Variants in UNC13B observed in about 807,000 individuals in gnomAD.
The protein encoded by UNC13B is protein unc-13 homolog B.
A neutral mutation model predicts 211.0 loss-of-function variants in UNC13B; 144 were observed. The ratio of observed to expected loss-of-function variants is 0.68; its 90% CI spans 0.60 to 0.78. The LOEUF (loss-of-function observed/expected upper bound fraction) is 0.78. Among genes scored for constraint, UNC13B ranks in the 30% least tolerant of loss-of-function variants. The pLI, the probability that UNC13B is intolerant of heterozygous loss-of-function variation, is 0.00. For synonymous variants in UNC13B, 709 were observed against 725.8 expected, an observed-to-expected ratio of 0.98 and a Z score of 0.37; for missense variants, 1,777 against 2,002.0, an observed-to-expected ratio of 0.89 and a Z score of 2.14.
intron 7 of UNC13B, among the ~76,000 whole-genome samples, chr9:35,268,307 A>G (rs1255703232): frequency 1.3e-5 from 2 of 152,182 alleles, no homozygotes; most frequent in East Asian, 3.8e-4. Context: ...GCTGACAAGG[A>G]TCTAGTTAAA....
chr9:35,399,817 A>G, intron 36 of UNC13B, 88 bp downstream of exon 36: 2 of 1,270,344 alleles, frequency 1.6e-6, no homozygotes, highest in East Asian at 2.3e-5. Context: ...TGTCCCTCCA[A>G]TTCTTAACAC....
At chr9:35,282,748 A>AT (rs1054585923) in intron 7 of UNC13B, among the ~76,000 whole-genome samples, 18 of 151,802 alleles carry the variant, frequency 1.2e-4, no homozygotes, top group Non-Finnish European at 7.4e-5. Flanking sequence ...TCTTACAATT[A>AT]TTTTTTATTC....
chr9:35,258,438 G>T (rs1170200749), intron 6 of UNC13B, among the ~76,000 whole-genome samples: 21 of 152,192 alleles, frequency 1.4e-4, no homozygotes, highest in Non-Finnish European at 1.5e-5. Flanking sequence ...TGTGGTGGTT[G>T]TGGTGGGTGG....
intron 37 of UNC13B, among the ~76,000 whole-genome samples, chr9:35,400,721 C>T (rs188629565): frequency 2.1e-4 from 32 of 152,248 alleles, no homozygotes; most frequent in Non-Finnish European, 3.5e-4. Context: ...AGGAATATAC[C>T]CTGACTGGTA....
intron 11 of UNC13B, among the ~76,000 whole-genome samples, chr9:35,337,976 C>G (rs1011217312): frequency 4.6e-5 from 7 of 152,180 alleles, no homozygotes; most frequent in African/African-American, 1.7e-4. Context: ...TATATGGCCT[C>G]TTTGTTTCCT....
chr9:35,310,728 C>T lies in UNC13B; in HGVS notation c.9270C>T (p.His3090=), dbSNP rs778792170. 3.0e-5 allele frequency: 49 copies of T among 1,613,860 alleles called. No homozygotes were observed. The highest frequency in any genetic ancestry group is 3.8e-5 in the Non-Finnish European group (45 of 1,180,004). ...AGATGAAAGAAGATGCCACAACCCA[C>T]CCTCCCCCAGATCTGGTGCTGCAAA... ...PKEMKEDATT[H]PPPDLVLQKD... Residue 3090 remains histidine (H), a synonymous_variant, in exon 10 of 40, where the codon CAC becomes CAT. Transcript: ENST00000635942.
chr9:35,269,113 C>A (rs183772113), intron 7 of UNC13B, among the ~76,000 whole-genome samples: 1 of 152,184 alleles, frequency 6.6e-6, no homozygotes, highest in African/African-American at 2.4e-5. Flanking sequence ...GGGCTCAGTC[C>A]CACAAGACTG....
intron 1 of UNC13B, among the ~76,000 whole-genome samples, chr9:35,201,603 A>G (rs1587359615): frequency 6.6e-6 from 1 of 152,080 alleles, no homozygotes; most frequent in East Asian, 1.9e-4. Flanking sequence ...TTTCCTCTAG[A>G]TTTTCTAGTT....
intron 1 of UNC13B, among the ~76,000 whole-genome samples, chr9:35,187,604 G>A (rs1024333844): frequency 1.3e-5 from 2 of 152,162 alleles, no homozygotes; most frequent in African/African-American, 2.4e-5. Flanking sequence ...TTTGCATAAG[G>A]TGCAGAAAGA....
At chr9:35,179,331 C>T (rs1821808203) in intron 1 of UNC13B, among the ~76,000 whole-genome samples, 1 of 152,036 alleles carries the variant, frequency 6.6e-6, no homozygotes, top group Non-Finnish European at 1.5e-5. Context: ...TTCATTATGG[C>T]TCTAGTTTAA....
intron 6 of UNC13B, among the ~76,000 whole-genome samples, chr9:35,257,230 G>A (rs533373748): frequency 2.6e-4 from 39 of 150,298 alleles, no homozygotes; most frequent in African/African-American, 1.2e-4. Context: ...AGGCTGAGGC[G>A]GGTGGATCAC....
chr9:35,260,890 C>T (rs781582375), intron 7 of UNC13B, among the ~76,000 whole-genome samples: 10 of 152,124 alleles, frequency 6.6e-5, no homozygotes, highest in Non-Finnish European at 1.5e-4. Flanking sequence ...CCTACTCCTT[C>T]CTGGTCTCAT....
intron 7 of UNC13B, among the ~76,000 whole-genome samples, chr9:35,287,352 G>A (rs1211449862): frequency 1.3e-5 from 2 of 151,850 alleles, no homozygotes; most frequent in African/African-American, 2.4e-5. Context: ...GGCTAGTCTC[G>A]AACTCCTGAC....
Position 35,399,049 on chromosome 9 carries a change from CAGGACT to C in UNC13B, c.12074+17_12074+22del, listed in dbSNP as rs1564199393. On this transcript the variant is annotated intron_variant, in intron 33 of 39. Coordinates refer to ENST00000635942, the MANE Select transcript of UNC13B (RefSeq NM_001371189.2). ...CTGGATGGCAAGTGAGTACAGCATT[CAGGACT>C]ATCCTGTGGGGATGAGCAAAGCAGA... 6.2e-7 allele frequency: 1 copy of C among 1,613,484 alleles called. No homozygotes were observed. Among genetic ancestry groups the C allele is most frequent in the Admixed American group, 1.7e-5 (1 of 60,014 alleles).
Position 35,310,793 on chromosome 9 carries a change from C to T in UNC13B, c.9323+12C>T. 1 of 1,610,374 alleles carries T rather than the reference C, an allele frequency of 6.2e-7. No individual in the cohort carries two copies. The highest frequency in any genetic ancestry group is 1.3e-5 in the African/African-American group (1 of 74,866). On this transcript the variant is annotated intron_variant, in intron 10 of 39. Coordinates refer to ENST00000635942, the MANE Select transcript of UNC13B (RefSeq NM_001371189.2). ...GGTCCCCAGGAGAGGTAGGCAACAG[C>T]TGCCTTGAGGAGCTCACATGGCTTC...
intron 1 of UNC13B, among the ~76,000 whole-genome samples, chr9:35,190,183 T>G (rs1406022394): frequency 1.3e-5 from 2 of 152,216 alleles, no homozygotes; most frequent in Admixed American, 1.3e-4. Context: ...ACTGTGCATT[T>G]CATTTCAAGG....
chr9:35,351,705 C>T, intron 11 of UNC13B: 4 of 1,232,282 alleles, frequency 3.2e-6, no homozygotes, highest in Non-Finnish European at 4.0e-6. Context: ...GGGTCAGCAG[C>T]CTTAGCCATT....
At chr9:35,184,999 A>T in intron 1 of UNC13B, among the ~76,000 whole-genome samples, 1 of 152,204 alleles carries the variant, frequency 6.6e-6, no homozygotes, top group Non-Finnish European at 1.5e-5. Context: ...ATAATGAGAT[A>T]TTCATTCGTA....
In UNC13B at chr9:35,366,993, G is replaced by T. The variant is rs764434090; in HGVS notation, c.9461G>T (p.Gly3154Val). Residue 3154 changes from glycine to valine, a missense_variant and splice_region_variant, in exon 12 of 40, where the codon GGG (glycine) becomes GTG (valine). Coordinates refer to ENST00000635942, the MANE Select transcript of UNC13B (RefSeq NM_001371189.2). ...TCTCTGCCTCAGTGGCTCCCGGAAGGGTAAGTAATTCACTGCAAGGTTTCT... is the reference window on the plus strand; with the variant it reads ...TCTCTGCCTCAGTGGCTCCCGGAAGTGTAAGTAATTCACTGCAAGGTTTCT... ...DPSLPQWLPE[G>V]PAGGLYGIDS... The T allele has an allele frequency of 2.5e-6, 4 of 1,613,342 alleles. No individual in the cohort carries two copies. In the African/African-American group the frequency reaches 5.3e-5, roughly 22 times the overall value.
Sources: allele counts gnomAD v4.1 joint callset (sites outside exome capture counted in the v4.1 genomes callset), GRCh38; gene constraint gnomAD v4.1.1; transcripts MANE v1.5; gene names NCBI Gene and HGNC (gene_info 2026-07-23, HGNC 2026-07-21).